CACNA1C: variants seen among roughly 807,000 people sequenced by gnomAD.
The protein encoded by CACNA1C is calcium voltage-gated channel subunit alpha1 C.
In CACNA1C, 30 loss-of-function variants were observed where a neutral mutation model predicts 229.0. The ratio of observed to expected loss-of-function variants is 0.13; its 90% CI spans 0.10 to 0.18. The LOEUF is 0.18. Among genes scored for constraint, CACNA1C ranks in the 10% least tolerant of loss-of-function variants. The probability of loss-of-function intolerance (pLI) is 1.00; values close to 1 mark genes in which losing one functional copy is unlikely to be tolerated. For missense variants in CACNA1C, 1,658 were observed against 2,845.0 expected, an observed-to-expected ratio of 0.58 and a Z score of 9.49; for synonymous variants, 1,114 against 1,132.5, an observed-to-expected ratio of 0.98 and a Z score of 0.33.
chr12:2,125,068 C>T (rs542054143), intron 3 of CACNA1C, among the ~76,000 whole-genome samples: 12 of 151,916 alleles, frequency 7.9e-5, no homozygotes, highest in Non-Finnish European at 1.6e-4. Flanking sequence ...AGAACAGTGA[C>T]GTTTGCAGAG....
At chr12:2,664,112 A>C (rs1157688650) in intron 34 of CACNA1C, among the ~76,000 whole-genome samples, 1 of 152,232 alleles carries the variant, frequency 6.6e-6, no homozygotes, top group Admixed American at 6.5e-5. Flanking sequence ...AAAAACATGA[A>C]CATGCAATTT....
intron 1 of CACNA1C, among the ~76,000 whole-genome samples, chr12:2,021,687 A>AAAG: frequency 6.6e-6 from 1 of 152,220 alleles, no homozygotes; most frequent in African/African-American, 2.4e-5. Context: ...TCTAAAAAAA[A>AAAG]AAAGACATCT....
chr12:2,608,827 C>A lies in CACNA1C; in HGVS notation c.3558+115C>A. On this transcript the variant is annotated intron_variant, in intron 27 of 46. Coordinates refer to ENST00000399655, the MANE Select transcript of CACNA1C (RefSeq NM_000719.7). This position sits in a 1 kb window ranked among gnomAD's most constrained non-coding sequence, Gnocchi z 4.2. ...GAGGCCGTGCAGATACTGAGATCGT[C>A]TCTCTATTCCTCAACCAGAGTGGGC... The A allele has an allele frequency of 1.0e-6, 1 of 973,230 alleles. No homozygotes were observed. The highest frequency in any genetic ancestry group is 1.5e-6 in the Non-Finnish European group (1 of 650,594). The allele number at this position is 973,230 out of a possible 1,614,324, so 60.3% of individuals were successfully genotyped here. A position where few individuals can be genotyped will look rare whatever the true frequency, so the allele number is the denominator to read the frequency against.
chr12:2,110,589 C>G (rs2081272771), intron 1 of CACNA1C, among the ~76,000 whole-genome samples: 2 of 152,226 alleles, frequency 1.3e-5, no homozygotes, highest in African/African-American at 4.8e-5. Flanking sequence ...GGACACAATG[C>G]TGCCTGCCCT....
At chr12:2,529,995 A>T (rs1466384344) in intron 9 of CACNA1C, among the ~76,000 whole-genome samples, 1 of 152,196 alleles carries the variant, frequency 6.6e-6, no homozygotes, top group East Asian at 1.9e-4. Flanking sequence ...TTCGTCCATT[A>T]TGTGGTCTTC....
chr12:2,340,222 G>A (rs2096823849), intron 3 of CACNA1C, among the ~76,000 whole-genome samples: 1 of 152,120 alleles, frequency 6.6e-6, no homozygotes, highest in Non-Finnish European at 1.5e-5. Flanking sequence ...ATAAATAACT[G>A]TATTCTATAT....
In CACNA1C at chr12:2,605,871, C is replaced by A. The variant is rs773987501; in HGVS notation, c.3156+85C>A. 4.2e-6 allele frequency: 4 copies of A among 941,710 alleles called. No individual in the cohort carries two copies. The highest frequency in any genetic ancestry group is 6.9e-6 in the Non-Finnish European group (4 of 578,802). The allele number at this position is 941,710 out of a possible 1,614,324, so 58.3% of individuals were successfully genotyped here. ...AGGGAACTGGCAGATATAGTACAAA[C>A]GAGACAGTGTCCTGAGCCAGACTTG... On this transcript the variant is annotated intron_variant, in intron 24 of 46. Transcript: ENST00000399655. The surrounding 1 kb of genome is among the most constrained non-coding windows in gnomAD (Gnocchi z 6.2).
At chr12:2,135,546 G>A (rs185976327) in intron 3 of CACNA1C, among the ~76,000 whole-genome samples, 2,364 of 130,356 alleles carry the variant, frequency 0.018, 398 homozygotes, top group East Asian at 0.17. Flanking sequence ...TCAGCTGCAG[G>A]TCTGTTGGAG....
intron 3 of CACNA1C, among the ~76,000 whole-genome samples, chr12:2,432,987 C>T (rs917498981): frequency 6.6e-6 from 1 of 152,206 alleles, no homozygotes; most frequent in Admixed American, 6.5e-5. Context: ...AACCCTGTGC[C>T]ACTTAGGCAG....
At position 2,605,833 on chromosome 12, in the gene CACNA1C, G is replaced by T. The variant is rs745938138; in HGVS notation, c.3156+47G>T. Reference sequence around the variant, plus strand: ...GGTCCTCCTACCTCCCCTCCCATCAGCATTCCTGGGGAAGGGAACTGGCAG... The same window carrying T: ...GGTCCTCCTACCTCCCCTCCCATCATCATTCCTGGGGAAGGGAACTGGCAG... On this transcript the variant is annotated intron_variant, in intron 24 of 46. Coordinates refer to ENST00000399655, the MANE Select transcript of CACNA1C (RefSeq NM_000719.7). This position sits in a 1 kb window ranked among gnomAD's most constrained non-coding sequence, Gnocchi z 6.2. 1 of 1,253,124 alleles carries T rather than the reference G, an allele frequency of 8.0e-7. No individual in the cohort carries two copies. The highest frequency in any genetic ancestry group is 1.2e-6 in the Non-Finnish European group (1 of 851,114). 77.6% of individuals were successfully genotyped at this position (1,253,124 alleles called of 1,614,324 possible).
At chr12:2,016,100 A>G (rs767751912) in intron 1 of CACNA1C, among the ~76,000 whole-genome samples, 6 of 152,178 alleles carry the variant, frequency 3.9e-5, no homozygotes, top group Admixed American at 6.5e-5. Context: ...TCCATCTTTA[A>G]AATAATTACC....
chr12:2,577,858 G>T (rs1056232143), intron 13 of CACNA1C, among the ~76,000 whole-genome samples: 10 of 148,486 alleles, frequency 6.7e-5, no homozygotes, highest in African/African-American at 2.5e-4. Flanking sequence ...AATAAGCAAA[G>T]AAGTAATTAT....
chr12:2,129,224 C>A (rs1202013949), intron 3 of CACNA1C, among the ~76,000 whole-genome samples: 1 of 152,174 alleles, frequency 6.6e-6, no homozygotes, highest in African/African-American at 2.4e-5. Context: ...AGGAAAGGAG[C>A]AAAGACCACA....
chr12:2,412,158 G>T (rs1322627419), intron 3 of CACNA1C, among the ~76,000 whole-genome samples: 4 of 152,100 alleles, frequency 2.6e-5, no homozygotes, highest in African/African-American at 4.8e-5. Context: ...CCCCAGGCAG[G>T]GGTCCCTTCC....
rs950848441 is a variant in CACNA1C, at chr12:2,513,337, T to C, written c.1390+353T>C. Among the ~76,000 whole-genome samples, 3 of 152,344 alleles carry C rather than the reference T, an allele frequency of 2.0e-5. 1 individual carries two copies. On this transcript the variant is annotated intron_variant, in intron 9 of 46. Transcript: ENST00000399655. ...CTTCCCGTTTGAAAGCGCAGGCTTG[T>C]TTAAAAGGAACAATGTGTGCCAAGC...
Position 2,108,577 on chromosome 12 carries a change from C to T in CACNA1C, c.50-6647C>T, listed in dbSNP as rs1274324257. On this transcript the variant is annotated intron_variant, in intron 1 of 46. Transcript: ENST00000399655. The surrounding 1 kb of genome is among the most constrained non-coding windows in gnomAD (Gnocchi z 5.3). ...GGAGCCATTGTGTTTAGCCCTCTGG[C>T]CCCTGCAGTCCAGCGGGGCACCGTA... Among the ~76,000 whole-genome samples, 1 of 152,330 alleles carries T rather than the reference C, an allele frequency of 6.6e-6. No individual in the cohort carries two copies. Among genetic ancestry groups the T allele is most frequent in the East Asian group, 1.9e-4 (1 of 5,186 alleles).
chr12:2,448,931 A>C (rs1223983904), intron 3 of CACNA1C, 45 bp from the exon 4 acceptor site: 1 of 1,548,986 alleles, frequency 6.5e-7, no homozygotes, highest in South Asian at 1.2e-5. Flanking sequence ...CCAAATCCCC[A>C]AACCAATGAC....
At chr12:2,098,661 C>T (rs771774788) in intron 1 of CACNA1C, among the ~76,000 whole-genome samples, 8 of 152,110 alleles carry the variant, frequency 5.3e-5, no homozygotes, top group South Asian at 2.1e-4. Context: ...TGGGATATAG[C>T]GATTGTTTTT....
Position 2,348,758 on chromosome 12 carries a change from A to G in CACNA1C, c.478-100218A>G, listed in dbSNP as rs2097124071. Among the ~76,000 whole-genome samples, 1 of 152,024 alleles carries G rather than the reference A, an allele frequency of 6.6e-6. No individual in the cohort carries two copies. The highest frequency in any genetic ancestry group is 6.5e-5 in the Admixed American group (1 of 15,278). ...CGGGGGAAAGGTTCCTTCCTCGGGA[A>G]CTGGGTGGCATGGGAGAGTAGCTTC... On this transcript the variant is annotated intron_variant, in intron 3 of 46. Coordinates refer to ENST00000399655, the MANE Select transcript of CACNA1C (RefSeq NM_000719.7). This position sits in a 1 kb window ranked among gnomAD's most constrained non-coding sequence, Gnocchi z 4.7.
Sources: gnomAD v4.1 joint callset for allele counts (sites outside exome capture counted in the v4.1 genomes callset) on GRCh38, gnomAD v4.1.1 for gene constraint, Gnocchi (gnomAD v3.1) non-coding constraint, MANE v1.5 for transcripts, NCBI Gene and HGNC (gene_info 2026-07-23, HGNC 2026-07-21) for gene names.